Variants in NTRK3 observed in about 807,000 individuals in gnomAD.
NTRK3 encodes neurotrophic receptor tyrosine kinase 3, also known as NT-3 growth factor receptor.
A neutral mutation model predicts 91.7 loss-of-function variants in NTRK3; 24 were observed. That is an observed-to-expected ratio of 0.26 (90% CI 0.19 to 0.37). NTRK3 has a LOEUF of 0.37. Among genes scored for constraint, NTRK3 ranks in the 10% least tolerant of loss-of-function variants. The pLI, the probability that NTRK3 is intolerant of heterozygous loss-of-function variation, is 1.00. For missense variants in NTRK3, 880 were observed against 1,068.9 expected (o/e 0.82, Z 2.46); for synonymous variants, 483 against 404.0 (o/e 1.20, Z -2.34).
chr15:87,973,604 C>A (rs921235389), intron 14 of NTRK3, among the ~76,000 whole-genome samples: 2 of 152,106 alleles, frequency 1.3e-5, no homozygotes, highest in African/African-American at 4.8e-5. Context: ...CTGGAGGCTG[C>A]AAGCAGTTTC....
chr15:88,184,148 CG>C, intron 4 of NTRK3, 76 bp downstream of exon 4: 18 of 1,433,314 alleles, frequency 1.3e-5, no homozygotes, highest in Non-Finnish European at 1.8e-5. Flanking sequence ...GTGCCCCTCA[CG>C]CCACCCCAGA....
intron 14 of NTRK3, among the ~76,000 whole-genome samples, chr15:87,984,101 G>A (rs75086751): frequency 1.9e-4 from 29 of 152,296 alleles, no homozygotes; most frequent in African/African-American, 6.0e-4. Flanking sequence ...CCACATGAAC[G>A]TGAGGTAGTA....
chr15:88,236,288 G>C (rs2051722612), intron 3 of NTRK3, among the ~76,000 whole-genome samples: 1 of 152,118 alleles, frequency 6.6e-6, no homozygotes, highest in East Asian at 1.9e-4. Flanking sequence ...TAACAATGTG[G>C]ATGAATCTCA....
At chr15:88,056,175 C>A in intron 13 of NTRK3, among the ~76,000 whole-genome samples, 1 of 57,244 alleles carries the variant, frequency 1.7e-5, no homozygotes, top group Middle Eastern at 0.01. Context: ...AGACTGTTTT[C>A]ATATATATAT....
chr15:88,083,617 CAAG>C (rs1380183167), intron 13 of NTRK3, among the ~76,000 whole-genome samples: 1 of 152,128 alleles, frequency 6.6e-6, no homozygotes, highest in Non-Finnish European at 1.5e-5. Context: ...AGTTCATAGT[CAAG>C]AAGGAGTGGG....
chr15:88,044,943 G>A lies in NTRK3; in HGVS notation c.1397-11898C>T, dbSNP rs1256954289. 2.6e-5 allele frequency among the ~76,000 whole-genome samples: 4 copies of A among 152,192 alleles called. No individual in the cohort carries two copies. The South Asian group carries it at 8.3e-4, about 32-fold the overall frequency. Reference sequence around the variant, plus strand: ...TGCTGGGGGCTGTGCATGCCCTGCGGGACCACAGGCCCTACCTTTGCATAG... The same window carrying A: ...TGCTGGGGGCTGTGCATGCCCTGCGAGACCACAGGCCCTACCTTTGCATAG... On this transcript the variant is annotated intron_variant, in intron 13 of 18. Coordinates refer to ENST00000394480, the Ensembl canonical transcript of NTRK3.
intron 14 of NTRK3, among the ~76,000 whole-genome samples, chr15:87,986,817 T>G (rs115937624): frequency 1.3e-5 from 2 of 152,234 alleles, no homozygotes; most frequent in African/African-American, 4.8e-5. Context: ...AAGGACCAGA[T>G]AGAAAATATT....
intron 13 of NTRK3, among the ~76,000 whole-genome samples, chr15:88,120,863 C>G (rs1312086328): frequency 6.6e-6 from 1 of 152,188 alleles, no homozygotes; most frequent in African/African-American, 2.4e-5. Flanking sequence ...GCTGTGTGCT[C>G]TGGCACATCA....
chr15:87,967,908 T>C (rs2072925202), intron 14 of NTRK3, among the ~76,000 whole-genome samples: 1 of 152,196 alleles, frequency 6.6e-6, no homozygotes, highest in Non-Finnish European at 1.5e-5. Context: ...TCAAAGTGCA[T>C]GACTGGTAGA....
chr15:88,231,542 T>A (rs1234814350), intron 3 of NTRK3, among the ~76,000 whole-genome samples: 1 of 152,068 alleles, frequency 6.6e-6, no homozygotes, highest in Non-Finnish European at 1.5e-5. Flanking sequence ...AAATTTAGCT[T>A]TATGCACCCA....
chr15:88,129,961 G>A (rs1488745429), intron 10 of NTRK3, among the ~76,000 whole-genome samples: 1 of 152,130 alleles, frequency 6.6e-6, no homozygotes, highest in Non-Finnish European at 1.5e-5. Flanking sequence ...CCTTATAAGA[G>A]GAAATTTGAA....
chr15:88,108,375 G>C (rs180712397), intron 13 of NTRK3, among the ~76,000 whole-genome samples: 1 of 152,286 alleles, frequency 6.6e-6, no homozygotes, highest in East Asian at 1.9e-4. Flanking sequence ...GAAGTTCATT[G>C]CCTATTTTCC....
chr15:88,067,225 A>G (rs2046727065), intron 13 of NTRK3, among the ~76,000 whole-genome samples: 1 of 151,978 alleles, frequency 6.6e-6, no homozygotes, highest in East Asian at 1.9e-4. Flanking sequence ...AGACTCCCAC[A>G]CGCCATTTTT....
chr15:87,861,597 C>A (rs1490778727), exon 19 of NTRK3: 2 of 193,640 alleles, frequency 1.0e-5, no homozygotes, highest in African/African-American at 4.7e-5. Context: ...AAAACAAGTC[C>A]CTTTCACTTA....
intron 3 of NTRK3, among the ~76,000 whole-genome samples, chr15:88,220,763 G>C (rs549383002): frequency 2.6e-5 from 4 of 152,120 alleles, no homozygotes; most frequent in Non-Finnish European, 5.9e-5. Context: ...TGTCCCTCAA[G>C]CCAGAGGAAT....
chr15:88,027,543 C>A (rs868547736), intron 14 of NTRK3, among the ~76,000 whole-genome samples: 1 of 152,084 alleles, frequency 6.6e-6, no homozygotes, highest in Non-Finnish European at 1.5e-5. Flanking sequence ...CCACCATGCC[C>A]GGCTAATTTT....
intron 14 of NTRK3, among the ~76,000 whole-genome samples, chr15:87,986,201 TG>T (rs2074768982): frequency 6.6e-6 from 1 of 152,234 alleles, no homozygotes; most frequent in South Asian, 2.1e-4. Context: ...TTGCCTTCCT[TG>T]TACTTCAAAA....
intron 13 of NTRK3, among the ~76,000 whole-genome samples, chr15:88,119,353 C>T (rs1271565302): frequency 2.0e-5 from 3 of 152,226 alleles, no homozygotes; most frequent in Non-Finnish European, 4.4e-5. Flanking sequence ...ACGCAGAAGA[C>T]CCCTGGCTTC....
chr15:87,911,732 A>G (rs3825886), intron 17 of NTRK3, among the ~76,000 whole-genome samples: 87,865 of 152,082 alleles, frequency 0.58, 26,985 homozygotes, highest in African/African-American at 0.8. Flanking sequence ...TAGGGTCCTT[A>G]AGCATCATCC....
Sources: gnomAD v4.1 joint callset for allele counts (sites outside exome capture counted in the v4.1 genomes callset) on GRCh38, gnomAD v4.1.1 for gene constraint, MANE v1.5 for transcripts, NCBI Gene and HGNC (gene_info 2026-07-23, HGNC 2026-07-21) for gene names.